Variants in PTK2 observed in about 807,000 individuals in gnomAD.
PTK2 encodes the protein protein tyrosine kinase 2.
Under a neutral mutation model 150.1 loss-of-function variants are expected in PTK2, and 45 were observed. The observed-to-expected ratio is 0.30, with a 90% CI of 0.24 to 0.38. PTK2 has a LOEUF of 0.38. PTK2 is among the 10% of genes least tolerant of loss of function. The probability of loss-of-function intolerance (pLI) is 1.00; values close to 1 mark genes in which losing one functional copy is unlikely to be tolerated. For synonymous variants in PTK2, 432 were observed against 449.2 expected, an observed-to-expected ratio of 0.96 and a Z score of 0.48; for missense variants, 919 against 1,307.3, an observed-to-expected ratio of 0.70 and a Z score of 4.58.
intron 7 of PTK2, among the ~76,000 whole-genome samples, chr8:140,834,245 A>G (rs2100117307): frequency 6.6e-6 from 1 of 152,144 alleles, no homozygotes; most frequent in African/African-American, 2.4e-5. Context: ...GATGGGTGAA[A>G]TGCATGAGCA....
chr8:140,916,279 C>G (rs892820749), intron 2 of PTK2, among the ~76,000 whole-genome samples: 1 of 152,180 alleles, frequency 6.6e-6, no homozygotes, highest in Non-Finnish European at 1.5e-5. Flanking sequence ...TGGCTTGTTT[C>G]TAGTGGGCCT....
chr8:140,802,374 TA>T (rs989272601), intron 11 of PTK2, among the ~76,000 whole-genome samples: 3 of 151,948 alleles, frequency 2.0e-5, no homozygotes, highest in Non-Finnish European at 4.4e-5. Context: ...AATAAGTATG[TA>T]AAAAAAGAAA....
At chr8:140,725,844 C>CA (rs551800761) in intron 22 of PTK2, among the ~76,000 whole-genome samples, 4,704 of 69,796 alleles carry the variant, frequency 0.067, 81 homozygotes, top group African/African-American at 0.12. Context: ...CCTTGATATA[C>CA]AAAAAAAAAA....
At chr8:140,820,287 G>A (rs918352383) in intron 8 of PTK2, among the ~76,000 whole-genome samples, 2 of 151,070 alleles carry the variant, frequency 1.3e-5, no homozygotes, top group African/African-American at 4.9e-5. Flanking sequence ...ATTTAGTAGA[G>A]ACAGGGTTTC....
At chr8:140,997,545 C>T (rs2100198253) in intron 1 of PTK2, among the ~76,000 whole-genome samples, 1 of 152,248 alleles carries the variant, frequency 6.6e-6, no homozygotes, top group Non-Finnish European at 1.5e-5. Context: ...GCAACCACCA[C>T]CCTGATTTGT....
chr8:140,878,052 CA>C (rs1242524193), intron 4 of PTK2, among the ~76,000 whole-genome samples: 6 of 152,060 alleles, frequency 3.9e-5, no homozygotes, highest in African/African-American at 1.4e-4. Flanking sequence ...ATGACCATCT[CA>C]AAAAACAAAA....
chr8:140,899,734 T>C (rs916920727), intron 2 of PTK2, among the ~76,000 whole-genome samples: 1 of 152,022 alleles, frequency 6.6e-6, no homozygotes, highest in African/African-American at 2.4e-5. Context: ...AAACAACACA[T>C]TCAAAAGATC....
At chr8:140,715,061 G>C (rs2100038867) in intron 23 of PTK2, among the ~76,000 whole-genome samples, 1 of 148,010 alleles carries the variant, frequency 6.8e-6, no homozygotes, top group South Asian at 2.2e-4. Context: ...TGATTGGCAT[G>C]AAAGTTCAAC....
At chr8:140,978,207 T>TTCA (rs2100190031) in intron 1 of PTK2, among the ~76,000 whole-genome samples, 2 of 152,212 alleles carry the variant, frequency 1.3e-5, no homozygotes, top group Non-Finnish European at 2.9e-5. Context: ...GGGCAAGGAC[T>TTCA]TCATGTCTAA....
chr8:140,784,093 A>G (rs968669614), intron 14 of PTK2, among the ~76,000 whole-genome samples: 3 of 152,136 alleles, frequency 2.0e-5, no homozygotes, highest in African/African-American at 7.2e-5. Flanking sequence ...TGAACCTGGG[A>G]GGCGGAGGTT....
intron 2 of PTK2, among the ~76,000 whole-genome samples, chr8:140,906,804 G>T (rs1325776184): frequency 6.6e-6 from 1 of 152,146 alleles, no homozygotes; most frequent in Non-Finnish European, 1.5e-5. Context: ...GAATTGTAAT[G>T]TTCCCAACAC....
At chr8:140,682,888 C>T (rs577690069) in intron 27 of PTK2, among the ~76,000 whole-genome samples, 2 of 152,210 alleles carry the variant, frequency 1.3e-5, no homozygotes, top group African/African-American at 4.8e-5. Context: ...TAAACATCTA[C>T]AACAAAAAGT....
chr8:140,905,143 T>C (rs761422515), intron 2 of PTK2, among the ~76,000 whole-genome samples: 3 of 152,164 alleles, frequency 2.0e-5, no homozygotes, highest in Admixed American at 6.5e-5. Flanking sequence ...TGCTATAAAT[T>C]TCCCTCTAAA....
exon 29 of PTK2, chr8:140,674,326 G>C (rs879069483): frequency 8.7e-6 from 14 of 1,607,538 alleles, no homozygotes; most frequent in African/African-American, 2.7e-5. Flanking sequence ...GCTGTCAGCA[G>C]GGCTGCTGAG....
In PTK2 at chr8:140,935,959, T is replaced by G. The variant is rs114865736; in HGVS notation, c.-121-10210A>C. ...ACCACACCCGGCCTGTCCTCATCTT[T>G]TAAGAGTAGATCAGAGCCTAGGCAA... is the stretch of plus-strand genomic sequence containing the variant. On this transcript the variant is annotated intron_variant, in intron 1 of 31. Coordinates refer to ENST00000522684, the Ensembl canonical transcript of PTK2. Among the ~76,000 whole-genome samples, 661 of 152,192 alleles carry G rather than the reference T, an allele frequency of 4.3e-3. 4 individuals are homozygous for G. Among genetic ancestry groups the G allele is most frequent in the African/African-American group, 0.015 (630 of 41,540 alleles).
rs1225214591 is a variant in PTK2 at position 140,927,967 on chromosome 8, A to AG, written c.-121-2219_-121-2218insC. On this transcript the variant is annotated intron_variant, in intron 1 of 31. Coordinates refer to ENST00000522684, the Ensembl canonical transcript of PTK2. ...AAAAAAAAAAAAAAAAGAAAAAAAA[A>AG]AAAAAAAAATATATATATATATATA... is the stretch of plus-strand genomic sequence containing the variant. Among the ~76,000 whole-genome samples the AG allele has an allele frequency of 5.0e-3, 419 of 83,370 alleles. 2 individuals carry two copies. Among genetic ancestry groups the AG allele is most frequent in the Non-Finnish European group, 8.2e-3 (352 of 43,128 alleles). The allele number at this position is 83,370 out of a possible 152,430, so 54.7% of individuals were successfully genotyped here.
At chr8:140,714,614 T>C (rs2100038595) in intron 23 of PTK2, among the ~76,000 whole-genome samples, 1 of 151,412 alleles carries the variant, frequency 6.6e-6, no homozygotes, top group South Asian at 2.1e-4. Context: ...CTGGCCAACA[T>C]GGTGAAACCC....
chr8:140,978,007 G>T (rs1032307656), intron 1 of PTK2, among the ~76,000 whole-genome samples: 9 of 152,136 alleles, frequency 5.9e-5, no homozygotes, highest in Non-Finnish European at 1.3e-4. Flanking sequence ...AAGAAATGGG[G>T]AAAGGATTCC....
chr8:140,840,581 T>C (rs1010669635), intron 7 of PTK2, among the ~76,000 whole-genome samples: 1 of 152,058 alleles, frequency 6.6e-6, no homozygotes, highest in African/African-American at 2.4e-5. Flanking sequence ...AGTTGGTTAA[T>C]ATAGAAGGTT....
Sources: allele counts gnomAD v4.1 joint callset (sites outside exome capture counted in the v4.1 genomes callset), GRCh38; gene constraint gnomAD v4.1.1; transcripts MANE v1.5; gene names NCBI Gene and HGNC (gene_info 2026-07-23, HGNC 2026-07-21).